Variants in NCOA2 observed in about 807,000 individuals in gnomAD.
NCOA2 encodes the protein class E basic helix-loop-helix protein 75.
A neutral mutation model predicts 145.1 loss-of-function variants in NCOA2; 21 were observed. The ratio of observed to expected loss-of-function variants is 0.14; its 90% CI spans 0.10 to 0.21. The LOEUF (loss-of-function observed/expected upper bound fraction) is 0.21, where lower values mean the gene tolerates loss of function less well. Ranked by LOEUF, NCOA2 falls within the 10% of genes least tolerant of loss-of-function variation. NCOA2 has a pLI of 1.00. For synonymous variants in NCOA2, 619 were observed against 637.5 expected, an observed-to-expected ratio of 0.97 and a Z score of 0.44; for missense variants, 1,472 against 1,837.6, an observed-to-expected ratio of 0.80 and a Z score of 3.64.
chr8:70,368,944 A>C (rs1161532665), intron 1 of NCOA2, among the ~76,000 whole-genome samples: 2 of 152,210 alleles, frequency 1.3e-5, no homozygotes, highest in Non-Finnish European at 2.9e-5. Context: ...CTCTGATATA[A>C]TGGCTACTAA....
chr8:70,138,195 G>C lies in NCOA2; in HGVS notation c.3158+8C>G, dbSNP rs1202832225. On this transcript the variant is annotated splice_region_variant and intron_variant, in intron 15 of 22. Coordinates refer to ENST00000452400, the MANE Select transcript of NCOA2 (RefSeq NM_006540.4). ...AATAACTGGCTACCCTAGGTGCTCA[G>C]GACTCACCTGTTTTGGCTGGCAAAA... 1.2e-6 allele frequency: 2 copies of C among 1,611,400 alleles called. No individual in the cohort carries two copies. The highest frequency in any genetic ancestry group is 1.7e-5 in the Admixed American group (1 of 59,214).
chr8:70,299,145 C>A (rs529085966), intron 1 of NCOA2, among the ~76,000 whole-genome samples: 13 of 152,062 alleles, frequency 8.5e-5, no homozygotes, highest in Non-Finnish European at 1.9e-4. Context: ...CATCTAGATA[C>A]CTTGGTGTAA....
At chr8:70,323,563 T>A (rs987091133) in intron 1 of NCOA2, among the ~76,000 whole-genome samples, 2 of 152,144 alleles carry the variant, frequency 1.3e-5, no homozygotes, top group Non-Finnish European at 2.9e-5. Flanking sequence ...TTTAACAAAA[T>A]TTTTTTAAAA....
the NCOA2 span, among the ~76,000 whole-genome samples, chr8:70,429,075 C>T: frequency 6.6e-6 from 1 of 152,200 alleles, no homozygotes; most frequent in South Asian, 2.1e-4. Flanking sequence ...TATTCTGCCT[C>T]ATGCCAAAAC....
chr8:70,117,214 C>A (rs546833133), intron 22 of NCOA2, among the ~76,000 whole-genome samples: 54 of 152,376 alleles, frequency 3.5e-4, no homozygotes, highest in African/African-American at 1.2e-3. Flanking sequence ...TACCCCTAAA[C>A]CCCCAGCCGG....
At position 70,113,455 on chromosome 8, in the gene NCOA2, C is replaced by T. The variant is rs947739656; in HGVS notation, c.*177G>A. On this transcript the variant is annotated 3_prime_UTR_variant, in exon 23 of 23. Transcript: ENST00000452400. ...TTCAGACTGTCAAGAGAAGAGGCAG[C>T]TCCTCCTGCCACAGCCGAGTGGACG... The T allele has an allele frequency of 3.0e-5, 19 of 637,182 alleles. No individual in the cohort carries two copies. In the Admixed American group the frequency reaches 5.1e-4, roughly 17 times the overall value. The allele number at this position is 637,182 out of a possible 1,614,324, so 39.5% of individuals were successfully genotyped here. A position where few individuals can be genotyped will look rare whatever the true frequency, so the allele number is the denominator to read the frequency against.
chr8:70,331,146 G>A (rs78388270), intron 1 of NCOA2, among the ~76,000 whole-genome samples: 5,157 of 152,106 alleles, frequency 0.034, 321 homozygotes, highest in African/African-American at 0.12. Context: ...GCAAATGTAT[G>A]ATATTTTTAA....
At chr8:70,159,442 C>T in intron 10 of NCOA2, 63 bp downstream of exon 10, 1 of 1,385,408 alleles carries the variant, frequency 7.2e-7, no homozygotes, top group Non-Finnish European at 9.9e-7. Context: ...AAATAATTTG[C>T]TGCTTTTGTA....
At chr8:70,297,728 CAAT>C (rs1215981670) in intron 1 of NCOA2, among the ~76,000 whole-genome samples, 1 of 152,144 alleles carries the variant, frequency 6.6e-6, no homozygotes, top group Non-Finnish European at 1.5e-5. Flanking sequence ...TGAATATTTT[CAAT>C]AATGAGGGCA....
intron 2 of NCOA2, among the ~76,000 whole-genome samples, chr8:70,220,049 T>TA (rs1310153601): frequency 1.3e-5 from 2 of 152,236 alleles, no homozygotes; most frequent in Non-Finnish European, 2.9e-5. Context: ...TAGTCACTCA[T>TA]AGAGAAATAT....
intron 2 of NCOA2, among the ~76,000 whole-genome samples, chr8:70,234,644 A>G (rs1462187155): frequency 2.0e-5 from 3 of 152,076 alleles, no homozygotes; most frequent in Admixed American, 2.0e-4. Context: ...ACTTGTGTTT[A>G]TTTGGCTATT....
intron 1 of NCOA2, among the ~76,000 whole-genome samples, chr8:70,374,695 G>A (rs929663845): frequency 2.0e-5 from 3 of 150,986 alleles, no homozygotes; most frequent in African/African-American, 4.9e-5. Context: ...CCAGCTATTC[G>A]GGAGGCTGAG....
chr8:70,251,132 C>T (rs1823134650), intron 2 of NCOA2, among the ~76,000 whole-genome samples: 3 of 152,102 alleles, frequency 2.0e-5, no homozygotes, highest in Admixed American at 6.5e-5. Flanking sequence ...GGTATCATCC[C>T]ACTAACATTA....
chr8:70,211,453 CA>C (rs1301400749), intron 4 of NCOA2, among the ~76,000 whole-genome samples: 89 of 119,822 alleles, frequency 7.4e-4, no homozygotes, highest in Admixed American at 9.4e-4. Flanking sequence ...AGCAAGACTC[CA>C]AAAAAAAAAA....
At chr8:70,115,128 A>G (rs1479217219) in intron 22 of NCOA2, among the ~76,000 whole-genome samples, 1 of 152,166 alleles carries the variant, frequency 6.6e-6, no homozygotes, top group African/African-American at 2.4e-5. Flanking sequence ...GAAAAAGTCT[A>G]CTGAGAAGTA....
chr8:70,210,062 C>A (rs146604485), intron 4 of NCOA2, among the ~76,000 whole-genome samples: 24 of 152,296 alleles, frequency 1.6e-4, no homozygotes, highest in African/African-American at 5.3e-4. Flanking sequence ...ACTTCAGTAT[C>A]AGAAAGCTGT....
At chr8:70,355,991 G>A (rs1809652852) in intron 1 of NCOA2, among the ~76,000 whole-genome samples, 1 of 152,246 alleles carries the variant, frequency 6.6e-6, no homozygotes, top group Admixed American at 6.5e-5. Flanking sequence ...GTTATCTCCA[G>A]TAGAAGTAGA....
chr8:70,377,092 T>C (rs1176898711), intron 1 of NCOA2, among the ~76,000 whole-genome samples: 4 of 151,860 alleles, frequency 2.6e-5, no homozygotes, highest in Admixed American at 1.3e-4. Flanking sequence ...ACTAAGACTA[T>C]GATCAACACA....
At chr8:70,337,652 T>C (rs1189510805) in intron 1 of NCOA2, among the ~76,000 whole-genome samples, 5 of 152,136 alleles carry the variant, frequency 3.3e-5, no homozygotes, top group Non-Finnish European at 7.4e-5. Context: ...GTAAACACTA[T>C]ACAAGTTTCT....
Sources: gnomAD v4.1 joint callset for allele counts (sites outside exome capture counted in the v4.1 genomes callset) on GRCh38, gnomAD v4.1.1 for gene constraint, MANE v1.5 for transcripts, NCBI Gene and HGNC (gene_info 2026-07-23, HGNC 2026-07-21) for gene names.